SMPD1: variants seen among roughly 807,000 people sequenced by gnomAD.
SMPD1 encodes the protein sphingomyelin phosphodiesterase.
A neutral mutation model predicts 49.7 loss-of-function variants in SMPD1; 47 were observed. That is an observed-to-expected ratio of 0.95 (90% CI 0.75 to 1.21). The LOEUF (loss-of-function observed/expected upper bound fraction) is 1.21, where lower values mean the gene tolerates loss of function less well. Ranked by LOEUF, SMPD1 falls within the 50% of genes most tolerant of loss-of-function variation. SMPD1 has a pLI of 0.00. For missense variants in SMPD1, 811 were observed against 822.2 expected, an observed-to-expected ratio of 0.99 and a Z score of 0.17; for synonymous variants, 336 against 339.6, an observed-to-expected ratio of 0.99 and a Z score of 0.12.
Position 6,393,271 on chromosome 11 carries a change from A to T in SMPD1, c.1147A>T (p.Asn383Tyr). Reference sequence around the variant, plus strand: ...CCCCGGTCTCCGCCTCATCTCTCTCAATATGAATTTTTGTTCCCGTGAGAA... The same window carrying T: ...CCCCGGTCTCCGCCTCATCTCTCTCTATATGAATTTTTGTTCCCGTGAGAA... ...PYPGLRLISL[N>Y]MNFCSRENFW... Residue 383 changes from asparagine (N) to tyrosine (Y), a missense_variant, in exon 3 of 6, where the codon AAT becomes TAT. Transcript: ENST00000342245. 1 of 1,613,652 alleles carries T rather than the reference A, an allele frequency of 6.2e-7. No individual in the cohort carries two copies. Among genetic ancestry groups the T allele is most frequent in the Non-Finnish European group, 8.5e-7 (1 of 1,179,618 alleles).
chr11:6,392,287 A>C, intron 2 of SMPD1, 131 bp downstream of exon 2: 2 of 921,506 alleles, frequency 2.2e-6, no homozygotes, highest in Non-Finnish European at 3.5e-6. Flanking sequence ...GGCTCCCCTA[A>C]TCTGACTCCT....
chr11:6,391,340 C>T (rs777192812), intron 1 of SMPD1, 44 bp from the exon 2 acceptor site: 5 of 1,606,548 alleles, frequency 3.1e-6, no homozygotes, highest in Non-Finnish European at 4.3e-6. Flanking sequence ...CCTGGTTCCT[C>T]TGCTCTGCCT....
Position 6,390,683 on chromosome 11 carries a change from G to A in SMPD1, c.85G>A (p.Gly29Arg), listed in dbSNP as rs1564921493. 5 of 1,610,478 alleles carry A rather than the reference G, an allele frequency of 3.1e-6. No homozygotes were observed. Among genetic ancestry groups the A allele is most frequent in the South Asian group, 1.1e-5 (1 of 90,630 alleles). The change falls in exon 1 of 6, where the codon GGA (glycine) becomes AGA (arginine). Residue 29 changes from glycine to arginine, a missense_variant. By Grantham distance (125) the Gly-to-Arg change is moderately radical (BLOSUM62 -2). Transcript: ENST00000342245. Reference sequence around the variant, plus strand: ...ACAAGACGGGACCGCCGGAGCCCCCGGACTCCTTTGGATGGGCCTGGTGCT... The same window carrying A: ...ACAAGACGGGACCGCCGGAGCCCCCAGACTCCTTTGGATGGGCCTGGTGCT... Reference protein sequence around the residue: ...QGQDGTAGAPGLLWMGLVLAL... With the variant: ...QGQDGTAGAPRLLWMGLVLAL...
Position 6,391,591 on chromosome 11 carries a change from T to A in SMPD1, c.526T>A (p.Trp176Arg). ...TGGGCACTGGGACATTTTCTCATCT[T>A]GGAACATCTCTTTGCCTACTGTGCC... is the stretch of plus-strand genomic sequence containing the variant. ...TCGHWDIFSSWNISLPTVPKP... is the reference protein window; with the variant it reads ...TCGHWDIFSSRNISLPTVPKP... Residue 176 changes from tryptophan (W) to arginine (R), a missense_variant, in exon 2 of 6, where the codon TGG (tryptophan) becomes AGG (arginine). Physicochemically the swap from Trp to Arg is moderately radical, Grantham distance 101 (BLOSUM62 -3). Transcript: ENST00000342245. 3.1e-6 allele frequency: 5 copies of A among 1,610,742 alleles called. No individual in the cohort carries two copies. Among genetic ancestry groups the A allele is most frequent in the Non-Finnish European group, 4.2e-6 (5 of 1,178,550 alleles).
At position 6,390,784 on chromosome 11, in the gene SMPD1, C is replaced by T. The variant is rs1235402970; in HGVS notation, c.186C>T (p.His62=). ...TTCTCTGGGCTCCGGCAGAGGCTCACCCTCTTTCTCCCCAAGGCCATCCTG... is the reference window on the plus strand; with the variant it reads ...TTCTCTGGGCTCCGGCAGAGGCTCATCCTCTTTCTCCCCAAGGCCATCCTG... ...SRVLWAPAEA[H]PLSPQGHPAR... is the part of the protein sequence containing the mutation. Residue 62 remains histidine (H), a synonymous_variant, in exon 1 of 6, where the codon CAC becomes CAT. Transcript: ENST00000342245. The T allele has an allele frequency of 6.2e-7, 1 of 1,614,074 alleles. No homozygotes were observed. Among genetic ancestry groups the T allele is most frequent in the Non-Finnish European group, 8.5e-7 (1 of 1,180,002 alleles).
rs1297099430 is a variant in SMPD1 at position 6,394,699 on chromosome 11, G to A, written c.*92G>A. The A allele has an allele frequency of 2.0e-5, 22 of 1,108,954 alleles. No individual in the cohort carries two copies. Among genetic ancestry groups the A allele is most frequent in the South Asian group, 7.9e-5 (6 of 76,352 alleles). The allele number at this position is 1,108,954 out of a possible 1,614,324, so 68.7% of individuals were successfully genotyped here. A position where few individuals can be genotyped will look rare whatever the true frequency, so the allele number is the denominator to read the frequency against. On this transcript the variant is annotated 3_prime_UTR_variant, in exon 6 of 6. Coordinates refer to ENST00000342245, the MANE Select transcript of SMPD1 (RefSeq NM_000543.5). ...GTGGTTCAACCAGGCAAGATCATCC[G>A]GTGAAAGAACCAGTCCCTGGGCCCC...
rs756127736 is a variant in SMPD1, at chr11:6,392,168, C to A, written c.1091+12C>A. The A allele has an allele frequency of 1.9e-6, 3 of 1,614,058 alleles. No individual in the cohort carries two copies. Among genetic ancestry groups the A allele is most frequent in the Non-Finnish European group, 2.5e-6 (3 of 1,180,014 alleles). Reference sequence around the variant, plus strand: ...CTGCGCACCCTCAGGTACTTATCGTCCGTGGAAACCCAGGAAGGGAAAAGA... The same window carrying A: ...CTGCGCACCCTCAGGTACTTATCGTACGTGGAAACCCAGGAAGGGAAAAGA... On this transcript the variant is annotated intron_variant, in intron 2 of 5. Transcript: ENST00000342245.
intron 1 of SMPD1, among the ~76,000 whole-genome samples, 165 bp from the exon 2 acceptor site, chr11:6,391,217 TGA>T (rs1216528322): frequency 6.6e-6 from 1 of 152,226 alleles, no homozygotes; most frequent in African/African-American, 2.4e-5. Context: ...TGGTGCTGCC[TGA>T]GTTACAGGGC....
At chr11:6,391,024 G>A in intron 1 of SMPD1, 108 bp downstream of exon 1, 2 of 1,393,754 alleles carry the variant, frequency 1.4e-6, no homozygotes, top group Non-Finnish European at 2.0e-6. Flanking sequence ...GATGGAGAGG[G>A]TGGCATCTAC....
chr11:6,393,428 A>G, intron 3 of SMPD1, 41 bp downstream of exon 3: 1 of 1,593,478 alleles, frequency 6.3e-7, no homozygotes, highest in Non-Finnish European at 8.6e-7. Flanking sequence ...CTGGGGGACA[A>G]GCAGGCTCCT....
intron 1 of SMPD1, 82 bp from the exon 2 acceptor site, chr11:6,391,302 G>C (rs1847896700): frequency 7.1e-7 from 1 of 1,415,840 alleles, no homozygotes; most frequent in African/African-American, 1.4e-5. Flanking sequence ...TGGAAATGGA[G>C]GCCCAAGGGG....
rs776759986 is a variant in SMPD1, at chr11:6,394,347, G to GGGC, written c.1637_1639dup (p.Gly546_Leu547insArg). The GGGC allele has an allele frequency of 1.2e-6, 2 of 1,614,208 alleles. No homozygotes were observed. The highest frequency in any genetic ancestry group is 3.3e-5 in the Admixed American group (2 of 60,018). On this transcript the variant is annotated inframe_insertion, in exon 6 of 6. Transcript: ENST00000342245. ...TCTCTACAGGGCTCGAGAAACCTAT[G>GGGC]GGCTGCCCAACACACTGCCTACCGC...
chr11:6,391,041 T>A, intron 1 of SMPD1, 125 bp downstream of exon 1: 2 of 1,268,672 alleles, frequency 1.6e-6, no homozygotes, highest in Non-Finnish European at 2.2e-6. Context: ...CTACAATCCA[T>A]CACTGAGTTT....
rs752225278 is a variant in SMPD1 at position 6,391,495 on chromosome 11, ATGG to A, written c.434_436del (p.Val145del). ...CATTGTCCACCTCTTTGAGGATGAC[ATGG>A]TGGAGGTGTGGAGACGCTCAGTGCT... On this transcript the variant is annotated inframe_deletion, in exon 2 of 6. Coordinates refer to ENST00000342245, the MANE Select transcript of SMPD1 (RefSeq NM_000543.5). 7 of 1,613,908 alleles carry A rather than the reference ATGG, an allele frequency of 4.3e-6. No individual in the cohort carries two copies. The highest frequency in any genetic ancestry group is 5.9e-6 in the Non-Finnish European group (7 of 1,180,046).
At chr11:6,393,163 A>T in intron 2 of SMPD1, 53 bp from the exon 3 acceptor site, 1 of 1,530,268 alleles carries the variant, frequency 6.5e-7, no homozygotes, top group East Asian at 2.3e-5. Flanking sequence ...TGCCCAGCAC[A>T]GGAGGACCAG....
Position 6,394,641 on chromosome 11 carries a change from T to G in SMPD1, c.*34T>G, listed in dbSNP as rs1217590546. Reference sequence around the variant, plus strand: ...GGCCCACATTTGGGAAAGTTCTTGATGTAGGAAAGGGTGAAAAAGCCCAAA... The same window carrying G: ...GGCCCACATTTGGGAAAGTTCTTGAGGTAGGAAAGGGTGAAAAAGCCCAAA... On this transcript the variant is annotated 3_prime_UTR_variant, in exon 6 of 6. Coordinates refer to ENST00000342245, the MANE Select transcript of SMPD1 (RefSeq NM_000543.5). 1 of 1,576,586 alleles carries G rather than the reference T, an allele frequency of 6.3e-7. No homozygotes were observed. The highest frequency in any genetic ancestry group is 1.3e-5 in the African/African-American group (1 of 74,550).
At chr11:6,394,077 A>T in intron 5 of SMPD1, 36 bp downstream of exon 5, 1 of 1,613,838 alleles carries the variant, frequency 6.2e-7, no homozygotes. Context: ...CTTATCCTGG[A>T]GTTGGTGGGA....
intron 2 of SMPD1, among the ~76,000 whole-genome samples, chr11:6,392,912 CCT>C (rs1491221322): frequency 1.3e-5 from 2 of 152,046 alleles, no homozygotes; most frequent in Non-Finnish European, 2.9e-5. Context: ...ATGATTTCCC[CCT>C]TTTTTTTAAG....
rs145079534 is a variant in SMPD1, at chr11:6,394,451, C to T, written c.1740C>T (p.His580=). 1.1e-5 allele frequency: 18 copies of T among 1,614,084 alleles called. No homozygotes were observed. Among genetic ancestry groups the T allele is most frequent in the Non-Finnish European group, 1.4e-5 (17 of 1,180,040 alleles). Residue 580 remains histidine, a synonymous_variant, in exon 6 of 6, where the codon CAC becomes CAT. Transcript: ENST00000342245. ...QTFWFLYHKG[H]PPSEPCGTPC... ...TCTGGTTTCTCTACCATAAGGGCCA[C>T]CCACCCTCGGAGCCCTGTGGCACGC...
Sources: allele counts gnomAD v4.1 joint callset (sites outside exome capture counted in the v4.1 genomes callset), GRCh38; gene constraint gnomAD v4.1.1; transcripts MANE v1.5; gene names NCBI Gene and HGNC (gene_info 2026-07-23, HGNC 2026-07-21).